The following NRG3 variants were observed in gnomAD, a reference collection of about 807,000 sequenced individuals.
The protein encoded by NRG3 is pro-neuregulin-3, membrane-bound isoform.
In NRG3, 31 loss-of-function variants were observed where a neutral mutation model predicts 66.9. The observed-to-expected ratio is 0.46, with a 90% CI of 0.35 to 0.63. The LOEUF (loss-of-function observed/expected upper bound fraction) is 0.63, where lower values mean the gene tolerates loss of function less well. NRG3 is among the 20% of genes least tolerant of loss of function. The pLI, the probability that NRG3 is intolerant of heterozygous loss-of-function variation, is 0.00. For synonymous variants in NRG3, 393 were observed against 359.4 expected (o/e 1.09, Z -1.06); for missense variants, 910 against 878.9 (o/e 1.04, Z -0.45).
chr10:82,666,005 G>A (rs1175550447), intron 2 of NRG3, among the ~76,000 whole-genome samples: 1 of 152,140 alleles, frequency 6.6e-6, no homozygotes, highest in Non-Finnish European at 1.5e-5. Flanking sequence ...GAGGTTACAG[G>A]CATGTGCCAC....
At chr10:82,903,337 G>C (rs2131898421) in intron 4 of NRG3, among the ~76,000 whole-genome samples, 1 of 152,230 alleles carries the variant, frequency 6.6e-6, no homozygotes, top group East Asian at 1.9e-4. Context: ...TGTATATCCA[G>C]TAAAAAGTGA....
rs750802261 is a variant in NRG3, at chr10:81,875,866, C to G, written c.526C>G (p.Arg176Gly). ...TRFPGHRVPI[R>G]ASPRSTTARN... ...CTTCCCCGGGCACCGGGTGCCCATC[C>G]GGGCCAGCCCGCGCTCCACCACAGC... The change falls in exon 1 of 9, where the codon CGG becomes GGG. Residue 176 changes from arginine (R) to glycine (G), a missense_variant. Coordinates refer to ENST00000372141, the MANE Select transcript of NRG3 (RefSeq NM_001010848.4). The surrounding 1 kb of genome is among the most constrained non-coding windows in gnomAD (Gnocchi z 5.3). 1.9e-6 allele frequency: 3 copies of G among 1,610,534 alleles called. No individual in the cohort carries two copies. The highest frequency in any genetic ancestry group is 2.5e-6 in the Non-Finnish European group (3 of 1,179,740).
intron 2 of NRG3, among the ~76,000 whole-genome samples, chr10:82,619,740 T>C (rs1373024701): frequency 1.3e-5 from 2 of 152,064 alleles, no homozygotes; most frequent in African/African-American, 2.4e-5. Context: ...CTGGTGTCCT[T>C]TAAGAAGTGG....
chr10:82,800,579 G>T (rs992458338), intron 3 of NRG3, among the ~76,000 whole-genome samples: 9 of 152,130 alleles, frequency 5.9e-5, no homozygotes, highest in African/African-American at 2.2e-4. Context: ...TTTAGTAGGT[G>T]CTTAATTAAT....
At chr10:81,948,531 G>T (rs931130595) in intron 1 of NRG3, among the ~76,000 whole-genome samples, 9 of 152,198 alleles carry the variant, frequency 5.9e-5, no homozygotes, top group Non-Finnish European at 2.9e-5. Flanking sequence ...TCTGCGTTTA[G>T]CCCTTTCTGA....
chr10:82,277,850 G>A (rs956787064), intron 1 of NRG3, among the ~76,000 whole-genome samples: 9 of 152,100 alleles, frequency 5.9e-5, no homozygotes, highest in African/African-American at 1.9e-4. Context: ...CCAGGAAGTG[G>A]CATAGTATCC....
chr10:82,245,567 G>A (rs2077200524), intron 1 of NRG3, among the ~76,000 whole-genome samples: 1 of 152,158 alleles, frequency 6.6e-6, no homozygotes, highest in African/African-American at 2.4e-5. Context: ...GTATCATCTG[G>A]AATGGATTAT....
At chr10:81,966,375 C>G (rs1259884909) in intron 1 of NRG3, among the ~76,000 whole-genome samples, 1 of 151,450 alleles carries the variant, frequency 6.6e-6, no homozygotes, top group Non-Finnish European at 1.5e-5. Flanking sequence ...AAATGGCCCA[C>G]CTTTCACTGC....
At chr10:82,506,091 CA>C (rs1209686085) in intron 2 of NRG3, among the ~76,000 whole-genome samples, 6 of 151,972 alleles carry the variant, frequency 3.9e-5, no homozygotes, top group South Asian at 4.1e-4. Context: ...ACTAAAAATG[CA>C]AAAAAACTAG....
At chr10:82,543,255 G>A (rs2043667342) in intron 2 of NRG3, among the ~76,000 whole-genome samples, 2 of 151,976 alleles carry the variant, frequency 1.3e-5, no homozygotes, top group Middle Eastern at 3.2e-3. Context: ...TGTGGTCTGT[G>A]GGTTACATAA....
At chr10:82,755,564 G>A (rs555634962) in intron 3 of NRG3, among the ~76,000 whole-genome samples, 1 of 152,220 alleles carries the variant, frequency 6.6e-6, no homozygotes, top group East Asian at 1.9e-4. Flanking sequence ...AATAAGGGAA[G>A]GGAAGAATCT....
intron 2 of NRG3, among the ~76,000 whole-genome samples, chr10:82,642,649 C>T (rs925608760): frequency 6.6e-6 from 1 of 150,678 alleles, no homozygotes; most frequent in African/African-American, 2.4e-5. Context: ...TACATACATA[C>T]TGAAGAGAAA....
chr10:81,933,093 G>A (rs545083836), intron 1 of NRG3, among the ~76,000 whole-genome samples: 1 of 134,424 alleles, frequency 7.4e-6, no homozygotes, highest in African/African-American at 2.8e-5. Flanking sequence ...GGGCAACAGA[G>A]CAACGCTCCA....
At chr10:82,163,804 C>T (rs1309345479) in intron 1 of NRG3, among the ~76,000 whole-genome samples, 1 of 151,940 alleles carries the variant, frequency 6.6e-6, no homozygotes, top group Non-Finnish European at 1.5e-5. Context: ...TTCATGTATG[C>T]TTTTGGTACT....
rs187202462 is a variant in NRG3 at position 82,916,671 on chromosome 10, G to A, written c.1055-34798G>A. Among the ~76,000 whole-genome samples, 12 of 151,488 alleles carry A rather than the reference G, an allele frequency of 7.9e-5. 1 individual carries two copies. In the Middle Eastern group the frequency reaches 0.01, roughly 130 times the overall value. On this transcript the variant is annotated intron_variant, in intron 4 of 8. Transcript: ENST00000372141. ...AGACAGAGCCTTGCTTGGTCGCTCA[G>A]GCTGGAGTGCAGTGGTGCAATCTCA...
intron 5 of NRG3, among the ~76,000 whole-genome samples, chr10:82,955,986 C>G (rs1253236781): frequency 6.6e-6 from 1 of 151,860 alleles, no homozygotes; most frequent in South Asian, 2.1e-4. Context: ...TTCACTGAGA[C>G]TGTATCACAT....
Position 82,076,355 on chromosome 10 carries a change from A to G in NRG3, c.823+200192A>G, listed in dbSNP as rs1487331923. ...AGCTCTGATTATATCTACCTTTACC[A>G]AGTACATTTCACTATGATTATTTTG... On this transcript the variant is annotated intron_variant, in intron 1 of 8. Coordinates refer to ENST00000372141, the MANE Select transcript of NRG3 (RefSeq NM_001010848.4). 4.6e-5 allele frequency among the ~76,000 whole-genome samples: 7 copies of G among 152,282 alleles called. No individual in the cohort carries two copies. In the East Asian group the frequency reaches 1.4e-3, roughly 29 times the overall value.
chr10:82,926,475 A>G (rs1333216), intron 4 of NRG3, among the ~76,000 whole-genome samples: 57,567 of 152,034 alleles, frequency 0.38, 11,353 homozygotes, highest in East Asian at 0.63. Flanking sequence ...CCAAATAAAT[A>G]AAAACTTTCT....
At chr10:82,264,356 G>T (rs980395559) in intron 1 of NRG3, among the ~76,000 whole-genome samples, 3 of 152,064 alleles carry the variant, frequency 2.0e-5, no homozygotes, top group Non-Finnish European at 4.4e-5. Context: ...AAACCATTAG[G>T]TCTCAGAACT....
Sources: gnomAD v4.1 joint callset for allele counts (sites outside exome capture counted in the v4.1 genomes callset) on GRCh38, gnomAD v4.1.1 for gene constraint, Gnocchi (gnomAD v3.1) non-coding constraint, MANE v1.5 for transcripts, NCBI Gene and HGNC (gene_info 2026-07-23, HGNC 2026-07-21) for gene names.